JAZF1: variants seen among roughly 807,000 people sequenced by gnomAD.
The protein encoded by JAZF1 is juxtaposed with another zinc finger protein 1.
JAZF1 carries 8 observed loss-of-function variants against 26.4 expected under a neutral mutation model. That is an observed-to-expected ratio of 0.30 (90% CI 0.18 to 0.55). The LOEUF (loss-of-function observed/expected upper bound fraction) is 0.55. Ranked by LOEUF, JAZF1 falls within the 20% of genes least tolerant of loss-of-function variation. The probability of loss-of-function intolerance (pLI) is 0.94; values close to 1 mark genes in which losing one functional copy is unlikely to be tolerated. For missense variants in JAZF1, 199 were observed against 322.0 expected (o/e 0.62, Z 2.92); for synonymous variants, 126 against 122.3 (o/e 1.03, Z -0.20).
At chr7:27,979,467 T>C (rs1279628379) in intron 2 of JAZF1, among the ~76,000 whole-genome samples, 1 of 139,776 alleles carries the variant, frequency 7.2e-6, no homozygotes, top group East Asian at 2.3e-4. Context: ...TAGCTAACTG[T>C]AGCCTTGAAC....
At position 28,180,674 on chromosome 7, in the gene JAZF1, G is replaced by A; in HGVS notation, c.-97C>T. On this transcript the variant is annotated 5_prime_UTR_variant, in exon 1 of 5. Transcript: ENST00000283928. ...GGTGGGGTGAGGAGAGGAGGGGCTG[G>A]GGGAGGGGGAGAGAGGCGGGGTGAG... The A allele has an allele frequency of 1.4e-6, 1 of 710,234 alleles. No individual in the cohort carries two copies. 44.0% of individuals were successfully genotyped at this position (710,234 alleles called of 1,614,324 possible). A position where few individuals can be genotyped will look rare whatever the true frequency, so the allele number is the denominator to read the frequency against.
At chr7:28,098,252 A>C (rs1203549339) in intron 1 of JAZF1, among the ~76,000 whole-genome samples, 9 of 152,236 alleles carry the variant, frequency 5.9e-5, no homozygotes, top group African/African-American at 2.2e-4. Flanking sequence ...GAAGACAGCT[A>C]TCCACAAACC....
At chr7:28,064,467 A>G (rs1783849262) in intron 1 of JAZF1, among the ~76,000 whole-genome samples, 2 of 152,218 alleles carry the variant, frequency 1.3e-5, no homozygotes, top group African/African-American at 4.8e-5. Flanking sequence ...CCCATTCAAC[A>G]AAGAACTAGT....
intron 1 of JAZF1, among the ~76,000 whole-genome samples, chr7:28,062,518 G>C (rs771772675): frequency 6.6e-5 from 10 of 150,880 alleles, no homozygotes; most frequent in Non-Finnish European, 1.2e-4. Context: ...CTCCCACACA[G>C]ACCCTGCATG....
At chr7:27,990,641 T>G (rs1407944023) in intron 2 of JAZF1, among the ~76,000 whole-genome samples, 1 of 152,174 alleles carries the variant, frequency 6.6e-6, no homozygotes, top group South Asian at 2.1e-4. Context: ...ATAATTAATC[T>G]ATATGCCTGT....
chr7:27,859,972 G>T (rs1283957916), intron 3 of JAZF1, among the ~76,000 whole-genome samples: 1 of 152,202 alleles, frequency 6.6e-6, no homozygotes, highest in Non-Finnish European at 1.5e-5. Context: ...TGCTCAGCGA[G>T]CCTGCCACAT....
intron 3 of JAZF1, among the ~76,000 whole-genome samples, chr7:27,859,101 C>G (rs576062416): frequency 3.0e-4 from 45 of 152,252 alleles, no homozygotes; most frequent in South Asian, 1.9e-3. Context: ...GACATTTATG[C>G]GGCCAGCAAA....
At chr7:27,980,991 A>C (rs1240586262) in intron 2 of JAZF1, among the ~76,000 whole-genome samples, 1 of 152,180 alleles carries the variant, frequency 6.6e-6, no homozygotes, top group Non-Finnish European at 1.5e-5. Context: ...ATACATATCC[A>C]AAGTTCCTAC....
At chr7:28,158,186 C>CACACAAG (rs149643430) in intron 1 of JAZF1, among the ~76,000 whole-genome samples, 1 of 143,346 alleles carries the variant, frequency 7.0e-6, no homozygotes, top group Non-Finnish European at 1.5e-5. Context: ...CACACACACA[C>CACACAAG]AGAGAGAGAG....
At chr7:28,016,753 G>A (rs950920375) in intron 1 of JAZF1, among the ~76,000 whole-genome samples, 1 of 152,158 alleles carries the variant, frequency 6.6e-6, no homozygotes, top group African/African-American at 2.4e-5. Flanking sequence ...GCCTGTTGAA[G>A]TCCAAAAGGC....
At chr7:27,849,494 GGTTGA>G (rs1233863798) in intron 3 of JAZF1, among the ~76,000 whole-genome samples, 2 of 152,090 alleles carry the variant, frequency 1.3e-5, no homozygotes, top group Admixed American at 6.6e-5. Context: ...ATCTTTCTTG[GGTTGA>G]GTTTTCTATT....
chr7:28,059,548 T>C (rs182608489), intron 1 of JAZF1, among the ~76,000 whole-genome samples: 1 of 152,324 alleles, frequency 6.6e-6, no homozygotes, highest in East Asian at 1.9e-4. Context: ...CACTGTTGAT[T>C]CAAATTTACC....
Position 27,998,147 on chromosome 7 carries a change from G to A in JAZF1, c.116-6166C>T, listed in dbSNP as rs568006642. Among the ~76,000 whole-genome samples, 48 of 152,082 alleles carry A rather than the reference G, an allele frequency of 3.2e-4. 1 individual carries two copies. Among genetic ancestry groups the A allele is most frequent in the African/African-American group, 1.0e-3 (42 of 41,476 alleles). On this transcript the variant is annotated intron_variant, in intron 1 of 4. Transcript: ENST00000283928. ...CAAGGCCTGGGAAGTTAAGTGACATGTTTACTTACACAAACCTGGTACTGG... is the reference window on the plus strand; with the variant it reads ...CAAGGCCTGGGAAGTTAAGTGACATATTTACTTACACAAACCTGGTACTGG...
chr7:28,176,021 C>T (rs534943271), intron 1 of JAZF1, among the ~76,000 whole-genome samples: 82 of 152,128 alleles, frequency 5.4e-4, no homozygotes, highest in African/African-American at 1.9e-3. Context: ...AAACTTTGAC[C>T]TTTATTAATT....
intron 1 of JAZF1, among the ~76,000 whole-genome samples, chr7:28,149,258 C>T (rs892920201): frequency 6.6e-6 from 1 of 152,176 alleles, no homozygotes; most frequent in African/African-American, 2.4e-5. Flanking sequence ...CTTTCTTGCT[C>T]TGTCAACAAA....
chr7:28,051,558 G>GCC (rs1783618440), intron 1 of JAZF1, among the ~76,000 whole-genome samples: 1 of 152,044 alleles, frequency 6.6e-6, no homozygotes, highest in Non-Finnish European at 1.5e-5. Context: ...ATCTAGTAAA[G>GCC]TTCTGCATTG....
chr7:28,127,554 A>G (rs969867421), intron 1 of JAZF1, among the ~76,000 whole-genome samples: 2 of 140,604 alleles, frequency 1.4e-5, no homozygotes, highest in Non-Finnish European at 3.0e-5. Flanking sequence ...GGTCTAAAAG[A>G]AAAAAAAAGT....
At chr7:27,901,896 T>C (rs1784166422) in intron 2 of JAZF1, among the ~76,000 whole-genome samples, 2 of 152,228 alleles carry the variant, frequency 1.3e-5, no homozygotes, top group Admixed American at 1.3e-4. Context: ...CACTGTGCAG[T>C]ATTTTTCAAA....
chr7:28,020,633 GT>G (rs1782991783), intron 1 of JAZF1: 1 of 471,092 alleles, frequency 2.1e-6, no homozygotes, highest in Non-Finnish European at 4.4e-6. Context: ...AGCATCAAAC[GT>G]TTTCTCAACC....
Sources: gnomAD v4.1 joint callset for allele counts (sites outside exome capture counted in the v4.1 genomes callset) on GRCh38, gnomAD v4.1.1 for gene constraint, MANE v1.5 for transcripts, NCBI Gene and HGNC (gene_info 2026-07-23, HGNC 2026-07-21) for gene names.